The following KLRD1 variants were observed in gnomAD, a reference collection of about 807,000 sequenced individuals.
KLRD1 encodes killer cell lectin like receptor D1.
A neutral mutation model predicts 22.6 loss-of-function variants in KLRD1; 21 were observed. The observed-to-expected ratio is 0.93, with a 90% CI of 0.66 to 1.34. The LOEUF is 1.34. Among genes scored for constraint, KLRD1 ranks in the 40% most tolerant of loss-of-function variants. The probability of loss-of-function intolerance (pLI) is 0.00; values close to 1 mark genes in which losing one functional copy is unlikely to be tolerated. For missense variants in KLRD1, 183 were observed against 208.6 expected (o/e 0.88, Z 0.76); for synonymous variants, 59 against 71.1 (o/e 0.83, Z 0.85).
chr12:10,247,223 T>C (rs867448850), intron 1 of KLRD1, among the ~76,000 whole-genome samples: 4 of 152,196 alleles, frequency 2.6e-5, no homozygotes, highest in Non-Finnish European at 5.9e-5. Flanking sequence ...ATTCTCCACA[T>C]ACTTCTACTG....
upstream of KLRD1, among the ~76,000 whole-genome samples, chr12:10,306,914 A>G (rs1949939131): frequency 6.6e-6 from 1 of 152,236 alleles, no homozygotes; most frequent in African/African-American, 2.4e-5. Context: ...GGGTTTATCT[A>G]TAGTAATATT....
Position 10,315,715 on chromosome 12 carries a change from A to G in KLRD1, c.*922A>G, listed in dbSNP as rs1263111915. The G allele has an allele frequency of 2.0e-4, 30 of 152,158 alleles. No individual in the cohort carries two copies. The highest frequency in any genetic ancestry group is 2.0e-3 in the Admixed American group (30 of 15,276). 9.4% of individuals were successfully genotyped at this position (152,158 alleles called of 1,614,324 possible). A position where few individuals can be genotyped will look rare whatever the true frequency, so the allele number is the denominator to read the frequency against. On this transcript the variant is annotated 3_prime_UTR_variant, in exon 6 of 6. Coordinates refer to ENST00000336164, the MANE Select transcript of KLRD1 (RefSeq NM_002262.5). ...CCCTGACCTCCTTTCATTAGGCATT[A>G]TCTTCTGTTTTGATTTTAACACTTA...
chr12:10,242,875 G>A (rs1361680614), intron 1 of KLRD1, among the ~76,000 whole-genome samples: 1 of 152,148 alleles, frequency 6.6e-6, no homozygotes, highest in Admixed American at 6.6e-5. Flanking sequence ...CCAATATATG[G>A]AAGCAATCTA....
chr12:10,240,268 C>T (rs1484250726), intron 1 of KLRD1, among the ~76,000 whole-genome samples: 1 of 151,978 alleles, frequency 6.6e-6, no homozygotes, highest in East Asian at 1.9e-4. Flanking sequence ...GCCATGTTGC[C>T]CAGGCTGGTC....
upstream of KLRD1, among the ~76,000 whole-genome samples, chr12:10,300,929 G>A (rs10743881): frequency 0.83 from 126,672 of 152,170 alleles, 54,748 homozygotes; most frequent in Non-Finnish European, 0.94. Flanking sequence ...TAGCTTCCAA[G>A]TTTTCTTCTG....
rs1179737093 is a variant in KLRD1, at chr12:10,266,510, T to C, written c.-101+40277T>C. Among the ~76,000 whole-genome samples, 7 of 152,224 alleles carry C rather than the reference T, an allele frequency of 4.6e-5. No individual in the cohort carries two copies. The East Asian group carries it at 1.3e-3, about 29-fold the overall frequency. ...TACTTTTGATAATATTATATGGATT[T>C]GAATACGTATTCAAACTGTTTCAAC... On this transcript the variant is annotated intron_variant, in intron 1 of 5. Coordinates refer to the KLRD1 transcript ENST00000544747.
chr12:10,314,726 A>C lies in KLRD1; in HGVS notation c.473A>C (p.Asn158Thr). ...AAGAACTGCATAGCGTATAATCCAA[A>C]TGGAAATGCTTTAGATGAATCCTGT... ...NTKNCIAYNP[N>T]GNALDESCED... The change falls in exon 6 of 6, where the codon AAT becomes ACT. Residue 158 changes from asparagine (N) to threonine (T), a missense_variant. Transcript: ENST00000336164. The C allele has an allele frequency of 6.3e-7, 1 of 1,598,644 alleles. No individual in the cohort carries two copies. The highest frequency in any genetic ancestry group is 1.1e-5 in the South Asian group (1 of 88,322).
intron 1 of KLRD1, among the ~76,000 whole-genome samples, chr12:10,296,936 G>C (rs562991182): frequency 2.6e-5 from 4 of 152,284 alleles, no homozygotes; most frequent in Admixed American, 1.3e-4. Flanking sequence ...AGATGGCTCT[G>C]CTTTCTCCCA....
intron 1 of KLRD1, among the ~76,000 whole-genome samples, chr12:10,267,950 G>C (rs769571785): frequency 2.0e-5 from 3 of 152,194 alleles, no homozygotes; most frequent in African/African-American, 4.8e-5. Context: ...CTGGGGAAGG[G>C]AGCTGTGGAC....
chr12:10,315,633 T>C lies in KLRD1; in HGVS notation c.*840T>C, dbSNP rs1190213458. 6.5e-6 allele frequency: 1 copy of C among 152,894 alleles called. No homozygotes were observed. Among genetic ancestry groups the C allele is most frequent in the Admixed American group, 6.5e-5 (1 of 15,336 alleles). The allele number at this position is 152,894 out of a possible 1,614,324, so 9.5% of individuals were successfully genotyped here. On this transcript the variant is annotated 3_prime_UTR_variant, in exon 6 of 6. Transcript: ENST00000336164. ...TATTTTTTAATTAAAAAATTTAAAATAATACAGGCAAGCATGTAATGATTA... is the reference window on the plus strand; with the variant it reads ...TATTTTTTAATTAAAAAATTTAAAACAATACAGGCAAGCATGTAATGATTA...
rs576864437 is a variant in KLRD1 at position 10,263,341 on chromosome 12, A to G, written c.-101+37108A>G. Among the ~76,000 whole-genome samples, 4 of 152,122 alleles carry G rather than the reference A, an allele frequency of 2.6e-5. No homozygotes were observed. In the East Asian group the frequency reaches 7.7e-4, roughly 29 times the overall value. ...TATACAAAATTGTACCATTTACACAATTGTACTTTTTCTAACCAGTTATAT... is the reference window on the plus strand; with the variant it reads ...TATACAAAATTGTACCATTTACACAGTTGTACTTTTTCTAACCAGTTATAT... On this transcript the variant is annotated intron_variant, in intron 1 of 5. Transcript: ENST00000544747.
rs1387549936 is a variant in KLRD1 at position 10,319,301 on chromosome 12, A to C, written c.*4508A>C. The C allele has an allele frequency of 6.6e-6, 1 of 152,222 alleles. No individual in the cohort carries two copies. Among genetic ancestry groups the C allele is most frequent in the East Asian group, 1.9e-4 (1 of 5,198 alleles). 9.4% of individuals were successfully genotyped at this position (152,222 alleles called of 1,614,324 possible). ...TGTAAATGTACTTACAAATTTTGCTATATGAAAACAGTTATGTCTGTTACT... is the reference window on the plus strand; with the variant it reads ...TGTAAATGTACTTACAAATTTTGCTCTATGAAAACAGTTATGTCTGTTACT... On this transcript the variant is annotated 3_prime_UTR_variant, in exon 6 of 6. Transcript: ENST00000336164.
At chr12:10,261,445 G>T (rs1004510130) in intron 1 of KLRD1, among the ~76,000 whole-genome samples, 2 of 152,124 alleles carry the variant, frequency 1.3e-5, no homozygotes, top group African/African-American at 4.8e-5. Context: ...AAACATTACT[G>T]CTGTTAATGT....
At chr12:10,297,221 T>C (rs775148317) in intron 1 of KLRD1, among the ~76,000 whole-genome samples, 3 of 152,228 alleles carry the variant, frequency 2.0e-5, no homozygotes, top group Admixed American at 6.5e-5. Context: ...CTCTTTTTGA[T>C]CATTCTATGG....
chr12:10,302,194 T>C (rs930435587), upstream of KLRD1, among the ~76,000 whole-genome samples: 7 of 152,336 alleles, frequency 4.6e-5, no homozygotes, highest in Middle Eastern at 3.4e-3. Flanking sequence ...ATGGTGTTGA[T>C]AGACTTACTT....
chr12:10,268,760 TATA>T (rs1405342889), intron 1 of KLRD1, among the ~76,000 whole-genome samples: 6 of 152,214 alleles, frequency 3.9e-5, no homozygotes, highest in African/African-American at 1.4e-4. Flanking sequence ...TGAAAATGAT[TATA>T]ATGTTTCACT....
chr12:10,290,625 C>T (rs569581120), intron 1 of KLRD1, among the ~76,000 whole-genome samples: 85 of 152,084 alleles, frequency 5.6e-4, no homozygotes, highest in Non-Finnish European at 8.5e-4. Context: ...AATGTGTGCT[C>T]AATAAATGTT....
intron 5 of KLRD1, 32 bp downstream of exon 5, chr12:10,313,545 T>C: frequency 1.5e-6 from 2 of 1,323,262 alleles, no homozygotes; most frequent in Non-Finnish European, 2.1e-6. Context: ...CGTTTTTTGC[T>C]CTTTATGAAT....
intron 1 of KLRD1, among the ~76,000 whole-genome samples, chr12:10,287,158 T>A (rs988804246): frequency 2.0e-5 from 3 of 151,916 alleles, no homozygotes; most frequent in African/African-American, 7.3e-5. Context: ...AAACCCTCTT[T>A]TTTTTTATTG....
Sources: allele counts gnomAD v4.1 joint callset (sites outside exome capture counted in the v4.1 genomes callset), GRCh38; gene constraint gnomAD v4.1.1; transcripts MANE v1.5; gene names NCBI Gene and HGNC (gene_info 2026-07-23, HGNC 2026-07-21).